Variants in GNA14 observed in about 807,000 individuals in gnomAD.
GNA14 encodes the protein guanine nucleotide-binding protein subunit alpha-14.
In GNA14, 50 loss-of-function variants were observed where a neutral mutation model predicts 42.0. The ratio of observed to expected loss-of-function variants is 1.19; its 90% CI spans 0.95 to 1.51. GNA14 has a LOEUF of 1.51. Among genes scored for constraint, GNA14 ranks in the 40% most tolerant of loss-of-function variants. GNA14 has a pLI of 0.00. For synonymous variants in GNA14, 173 were observed against 163.1 expected (o/e 1.06, Z -0.46); for missense variants, 473 against 446.2 (o/e 1.06, Z -0.54).
chr9:77,477,738 G>A (rs1836456530), intron 2 of GNA14, among the ~76,000 whole-genome samples: 1 of 152,116 alleles, frequency 6.6e-6, no homozygotes, highest in Non-Finnish European at 1.5e-5. Context: ...GAAGAAGAAT[G>A]TTATAAAACT....
chr9:77,613,838 T>C (rs1437759183), intron 1 of GNA14, among the ~76,000 whole-genome samples: 2 of 152,152 alleles, frequency 1.3e-5, no homozygotes, highest in Non-Finnish European at 2.9e-5. Flanking sequence ...CACTACTTTC[T>C]CTCCTCTTCC....
intron 2 of GNA14, among the ~76,000 whole-genome samples, chr9:77,506,856 T>C (rs1374028400): frequency 1.3e-5 from 2 of 152,164 alleles, no homozygotes; most frequent in African/African-American, 4.8e-5. Flanking sequence ...AAATTAGTGC[T>C]CATTTGCAGC....
intron 1 of GNA14, among the ~76,000 whole-genome samples, chr9:77,589,392 CTTTTT>C (rs899687258): frequency 6.6e-6 from 1 of 152,046 alleles, no homozygotes; most frequent in Non-Finnish European, 1.5e-5. Context: ...GCTCGGTTTT[CTTTTT>C]TTGTTTTGTT....
intron 2 of GNA14, among the ~76,000 whole-genome samples, chr9:77,438,870 C>T (rs749454928): frequency 1.2e-4 from 19 of 152,176 alleles, no homozygotes; most frequent in African/African-American, 4.3e-4. Context: ...AGGACATCAT[C>T]GTGCATAATC....
chr9:77,452,576 G>GTGTA (rs1564018286), intron 2 of GNA14, among the ~76,000 whole-genome samples: 1 of 132,084 alleles, frequency 7.6e-6, no homozygotes, highest in Non-Finnish European at 1.6e-5. Context: ...GTGTGTATGT[G>GTGTA]CATGTGTATG....
chr9:77,458,179 T>C (rs1194346654), intron 2 of GNA14, among the ~76,000 whole-genome samples: 3 of 152,244 alleles, frequency 2.0e-5, no homozygotes, highest in Non-Finnish European at 2.9e-5. Flanking sequence ...ATGTCCTGTC[T>C]TTCCTCTAGA....
At chr9:77,430,365 A>C (rs1835525357) in intron 4 of GNA14, among the ~76,000 whole-genome samples, 1 of 152,258 alleles carries the variant, frequency 6.6e-6, no homozygotes, top group African/African-American at 2.4e-5. Flanking sequence ...AGAAGAAATA[A>C]AAGTATTTTT....
chr9:77,511,868 A>C (rs1403861300), intron 2 of GNA14, among the ~76,000 whole-genome samples: 1 of 152,228 alleles, frequency 6.6e-6, no homozygotes, highest in Non-Finnish European at 1.5e-5. Context: ...CCAGTCAACC[A>C]GAAGGCCTCT....
At chr9:77,610,606 G>C (rs1208039440) in intron 1 of GNA14, among the ~76,000 whole-genome samples, 1 of 152,082 alleles carries the variant, frequency 6.6e-6, no homozygotes, top group Non-Finnish European at 1.5e-5. Context: ...AATTTTAAGA[G>C]AGATACAAAC....
intron 2 of GNA14, among the ~76,000 whole-genome samples, chr9:77,516,324 AATT>A (rs1837257104): frequency 6.6e-6 from 1 of 152,158 alleles, no homozygotes; most frequent in Admixed American, 6.5e-5. Context: ...CCTAGGTGAA[AATT>A]ATTATTTGGC....
chr9:77,559,836 T>C (rs975882499), intron 1 of GNA14, among the ~76,000 whole-genome samples: 39 of 152,246 alleles, frequency 2.6e-4, no homozygotes, highest in Non-Finnish European at 1.5e-5. Flanking sequence ...CATGGCTTAA[T>C]AGGTTCACAT....
intron 2 of GNA14, among the ~76,000 whole-genome samples, chr9:77,507,720 A>T (rs181333271): frequency 6.6e-6 from 1 of 151,952 alleles, no homozygotes; most frequent in East Asian, 1.9e-4. Context: ...CTTTTTTTCA[A>T]GATGTAGTCT....
intron 1 of GNA14, among the ~76,000 whole-genome samples, chr9:77,591,260 C>A (rs1823387013): frequency 6.6e-6 from 1 of 152,236 alleles, no homozygotes; most frequent in African/African-American, 2.4e-5. Context: ...CCACACCCAG[C>A]CTACATCAAA....
rs573872124 is a variant in GNA14 at position 77,439,527 on chromosome 9, C to T, written c.310-5005G>A. Among the ~76,000 whole-genome samples, 287 of 152,302 alleles carry T rather than the reference C, an allele frequency of 1.9e-3. 1 individual carries two copies. The highest frequency in any genetic ancestry group is 6.3e-3 in the African/African-American group (262 of 41,560). ...GTAGTTGTGCCTGTAGTTCCAGCTA[C>T]TCAGGAGGCTGAGGTGGGAGGATTG... On this transcript the variant is annotated intron_variant, in intron 2 of 6. Coordinates refer to ENST00000341700, the MANE Select transcript of GNA14 (RefSeq NM_004297.4).
chr9:77,460,279 C>T (rs1836080934), intron 2 of GNA14, among the ~76,000 whole-genome samples: 1 of 152,272 alleles, frequency 6.6e-6, no homozygotes. Flanking sequence ...AGGGCAGAGG[C>T]CGACGTGAGG....
chr9:77,452,636 GT>G (rs1835931987), intron 2 of GNA14, among the ~76,000 whole-genome samples: 3 of 220 alleles, frequency 0.014, no homozygotes, highest in East Asian at 0.17. Context: ...TGTGTGCGGT[GT>G]GTGTGTTTGT....
chr9:77,567,764 G>A (rs184276447), intron 1 of GNA14, among the ~76,000 whole-genome samples: 1 of 152,316 alleles, frequency 6.6e-6, no homozygotes, highest in East Asian at 1.9e-4. Flanking sequence ...CTACTCAGGA[G>A]GCTGAGACAG....
At chr9:77,586,042 G>A (rs944599598) in intron 1 of GNA14, among the ~76,000 whole-genome samples, 10 of 152,042 alleles carry the variant, frequency 6.6e-5, no homozygotes. Context: ...GTTCTGACCT[G>A]AGTGTTCGCC....
chr9:77,607,776 A>G (rs928272115), intron 1 of GNA14, among the ~76,000 whole-genome samples: 1 of 152,140 alleles, frequency 6.6e-6, no homozygotes, highest in Non-Finnish European at 1.5e-5. Context: ...CCTGGCTTGC[A>G]GGCACTGGCC....
Sources: gnomAD v4.1 joint callset for allele counts (sites outside exome capture counted in the v4.1 genomes callset) on GRCh38, gnomAD v4.1.1 for gene constraint, MANE v1.5 for transcripts, NCBI Gene and HGNC (gene_info 2026-07-23, HGNC 2026-07-21) for gene names.